NHS: variants seen among roughly 807,000 people sequenced by gnomAD.
NHS encodes NHS actin remodeling regulator.
Under a neutral mutation model 72.5 loss-of-function variants are expected in NHS, and 5 were observed. The observed-to-expected ratio is 0.07, with a 90% CI of 0.04 to 0.14. The LOEUF (loss-of-function observed/expected upper bound fraction) is 0.14. Among genes scored for constraint, NHS ranks in the 10% least tolerant of loss-of-function variants. The pLI is 1.00. For missense variants in NHS, 1,072 were observed against 1,355.7 expected, an observed-to-expected ratio of 0.79 and a Z score of 3.29; for synonymous variants, 464 against 547.7, an observed-to-expected ratio of 0.85 and a Z score of 2.13.
intron 1 of NHS, among the ~76,000 whole-genome samples, chrX:17,592,075 C>T (rs1452636481): frequency 9.0e-6 from 1 of 111,230 alleles, no homozygotes; most frequent in Non-Finnish European, 1.9e-5. Context: ...TAATAGTGTG[C>T]AGTCACTGTA....
intron 1 of NHS, among the ~76,000 whole-genome samples, chrX:17,656,017 C>A (rs1228399491): frequency 8.8e-6 from 1 of 113,020 alleles, no homozygotes; most frequent in Non-Finnish European, 1.9e-5. Flanking sequence ...GGAATGCAGT[C>A]CTAACGCAAC....
chrX:17,683,613 G>T (rs1044213289), intron 1 of NHS, among the ~76,000 whole-genome samples: 3 of 111,322 alleles, frequency 2.7e-5, no homozygotes, highest in African/African-American at 9.8e-5. Context: ...TTGTGTGCGG[G>T]TACCATGATA....
chrX:17,412,287 A>G (rs2064563575), intron 1 of NHS, among the ~76,000 whole-genome samples: 1 of 110,727 alleles, frequency 9.0e-6, no homozygotes, highest in Non-Finnish European at 1.9e-5. Flanking sequence ...AATGTTTTCA[A>G]AGAAATTGAG....
chrX:17,699,854 TA>T (rs1226150931), intron 3 of NHS, among the ~76,000 whole-genome samples: 10 of 111,619 alleles, frequency 9.0e-5, no homozygotes, highest in Admixed American at 2.9e-4. Flanking sequence ...TAACTTTGGC[TA>T]AAAATACAGA....
At chrX:17,560,176 C>G (rs1363296051) in intron 1 of NHS, among the ~76,000 whole-genome samples, 1 of 111,624 alleles carries the variant, frequency 9.0e-6, no homozygotes, top group East Asian at 2.8e-4. Flanking sequence ...AATCTGATAT[C>G]TCGAGGTTGA....
intron 1 of NHS, among the ~76,000 whole-genome samples, chrX:17,656,404 G>A (rs2065956023): frequency 8.9e-6 from 1 of 112,831 alleles, no homozygotes; most frequent in South Asian, 3.6e-4. Flanking sequence ...GGGGGTATGG[G>A]CAAGTGACAT....
intron 3 of NHS, among the ~76,000 whole-genome samples, chrX:17,718,763 G>A (rs2066383834): frequency 1.1e-5 from 1 of 87,515 alleles, no homozygotes; most frequent in Admixed American, 1.3e-4. Flanking sequence ...GAAGAAGGAA[G>A]AAAGGAAAGA....
rs765059069 is a variant in NHS, at chrX:17,642,632, C to T, written c.566-45110C>T. Among the ~76,000 whole-genome samples the T allele has an allele frequency of 9.8e-5, 11 of 111,856 alleles. No individual in the cohort carries two copies. In the Middle Eastern group the frequency reaches 0.019, roughly 188 times the overall value. ...CCAAGTATCAAAAGATTTTTTTTAA[C>T]CCCGCTCCATTTCCCAATATAACAT... On this transcript the variant is annotated intron_variant, in intron 1 of 8. Coordinates refer to ENST00000676302, the MANE Select transcript of NHS (RefSeq NM_001291867.2).
intron 1 of NHS, among the ~76,000 whole-genome samples, chrX:17,675,188 A>C (rs759728200): frequency 1.8e-5 from 2 of 112,052 alleles, no homozygotes; most frequent in Non-Finnish European, 3.8e-5. Flanking sequence ...GTACATTGCT[A>C]GTAGAAAATA....
intron 3 of NHS, among the ~76,000 whole-genome samples, chrX:17,706,976 C>T (rs1057490546): frequency 2.4e-4 from 27 of 112,319 alleles, no homozygotes; most frequent in African/African-American, 8.4e-4. Context: ...ACAGCCACTA[C>T]TCACCAGGGT....
intron 1 of NHS, among the ~76,000 whole-genome samples, chrX:17,599,776 G>A (rs925324690): frequency 3.6e-5 from 4 of 111,183 alleles, no homozygotes; most frequent in Non-Finnish European, 5.7e-5. Context: ...CTCTAGTACC[G>A]TTCTTTGCTG....
intron 1 of NHS, among the ~76,000 whole-genome samples, chrX:17,468,944 A>G (rs1405225009): frequency 2.7e-5 from 3 of 111,749 alleles, no homozygotes; most frequent in Non-Finnish European, 5.6e-5. Context: ...ACCAACGAAT[A>G]TTATAAGCAC....
chrX:17,603,035 A>G (rs752359054), intron 1 of NHS, among the ~76,000 whole-genome samples: 73 of 109,707 alleles, frequency 6.7e-4, no homozygotes, highest in African/African-American at 2.3e-3. Flanking sequence ...TTGTAGAGAC[A>G]AGGTCTTGGT....
intron 1 of NHS, among the ~76,000 whole-genome samples, chrX:17,554,843 C>CTT (rs5901619): frequency 1.8e-5 from 2 of 109,134 alleles, no homozygotes; most frequent in African/African-American, 6.7e-5. Context: ...TCTTTTTTTT[C>CTT]TTTTTTTTTC....
chrX:17,722,239 A>G (rs759662554), intron 5 of NHS, among the ~76,000 whole-genome samples: 7 of 112,293 alleles, frequency 6.2e-5, no homozygotes, highest in Non-Finnish European at 1.3e-4. Flanking sequence ...GAATGGAAGC[A>G]TAGCCAGACC....
At chrX:17,463,368 T>TG (rs2064857174) in intron 1 of NHS, among the ~76,000 whole-genome samples, 1 of 108,246 alleles carries the variant, frequency 9.2e-6, no homozygotes, top group Non-Finnish European at 1.9e-5. Context: ...GGTATAATGG[T>TG]GGGGTTTTTT....
chrX:17,555,393 C>T (rs1407524008), intron 1 of NHS, among the ~76,000 whole-genome samples: 4 of 110,517 alleles, frequency 3.6e-5, no homozygotes, highest in African/African-American at 1.3e-4. Flanking sequence ...GAATGCATAG[C>T]ATCATCTGGA....
intron 4 of NHS, 129 bp from the exon 5 acceptor site, chrX:17,721,312 T>A (rs1390706598): frequency 3.4e-6 from 2 of 588,408 alleles, no homozygotes; most frequent in Non-Finnish European, 5.7e-6. Flanking sequence ...TAACTATTTC[T>A]AGGAATTCTT....
chrX:17,627,204 G>A (rs191222729), intron 1 of NHS, among the ~76,000 whole-genome samples: 33 of 112,272 alleles, frequency 2.9e-4, no homozygotes, highest in Admixed American at 9.5e-4. Flanking sequence ...AAAGGAACTG[G>A]AAAGCTTCTG....
Sources: gnomAD v4.1 joint callset for allele counts (sites outside exome capture counted in the v4.1 genomes callset) on GRCh38, gnomAD v4.1.1 for gene constraint, MANE v1.5 for transcripts, NCBI Gene and HGNC (gene_info 2026-07-23, HGNC 2026-07-21) for gene names.